AAK1: variants seen among roughly 807,000 people sequenced by gnomAD.
AAK1 encodes the protein AP2-associated protein kinase 1.
A neutral mutation model predicts 116.0 loss-of-function variants in AAK1; 37 were observed. The observed-to-expected ratio is 0.32, with a 90% CI of 0.25 to 0.42. The LOEUF (loss-of-function observed/expected upper bound fraction) is 0.42, where lower values mean the gene tolerates loss of function less well. AAK1 is among the 10% of genes least tolerant of loss of function. The probability of loss-of-function intolerance (pLI) is 1.00; values close to 1 mark genes in which losing one functional copy is unlikely to be tolerated. For synonymous variants in AAK1, 458 were observed against 439.9 expected (o/e 1.04, Z -0.51); for missense variants, 919 against 1,170.6 (o/e 0.79, Z 3.14).
intron 5 of AAK1, among the ~76,000 whole-genome samples, chr2:69,535,795 C>G (rs930645936): frequency 3.9e-5 from 6 of 152,018 alleles, no homozygotes; most frequent in African/African-American, 1.5e-4. Context: ...GCAAAGAAAG[C>G]TGAAAACATG....
chr2:69,542,137 C>A (rs1392366069), intron 5 of AAK1, among the ~76,000 whole-genome samples: 1 of 151,688 alleles, frequency 6.6e-6, no homozygotes, highest in Non-Finnish European at 1.5e-5. Context: ...GCAATTAGGA[C>A]AATTAAAAAA....
At chr2:69,603,262 CA>C (rs1409330115) in intron 2 of AAK1, among the ~76,000 whole-genome samples, 1 of 151,926 alleles carries the variant, frequency 6.6e-6, no homozygotes, top group Non-Finnish European at 1.5e-5. Flanking sequence ...CCAAGTAAGG[CA>C]AAAGTGGGTA....
chr2:69,637,533 A>G (rs1675500083), intron 2 of AAK1, among the ~76,000 whole-genome samples: 1 of 152,234 alleles, frequency 6.6e-6, no homozygotes, highest in Non-Finnish European at 1.5e-5. Context: ...TCCATAAAAT[A>G]GACCGGAGGC....
rs574490585 is a variant in AAK1 at position 69,493,158 on chromosome 2, C to CAAAAAAAAAA, written c.2365+2817_2365+2826dup. On this transcript the variant is annotated intron_variant, in intron 17 of 21. Coordinates refer to ENST00000409085, the MANE Select transcript of AAK1 (RefSeq NM_014911.5). Reference sequence around the variant, plus strand: ...TGGGCGACAGAGCGAGACTCCGTCTCAAAAAAAAAAAAAAAAAAAGGATGC... The same window carrying CAAAAAAAAAA: ...TGGGCGACAGAGCGAGACTCCGTCTCAAAAAAAAAAAAAAAAAAAAAAAAAAAAAGGATGC... Among the ~76,000 whole-genome samples, 368 of 37,536 alleles carry CAAAAAAAAAA rather than the reference C, an allele frequency of 9.8e-3. 54 individuals are homozygous for CAAAAAAAAAA. The highest frequency in any genetic ancestry group is 0.022 in the East Asian group (31 of 1,436). The allele number at this position is 37,536 out of a possible 152,430, so 24.6% of individuals were successfully genotyped here.
intron 2 of AAK1, among the ~76,000 whole-genome samples, chr2:69,602,396 T>C (rs538139190): frequency 6.6e-6 from 1 of 152,218 alleles, no homozygotes; most frequent in Non-Finnish European, 1.5e-5. Context: ...TTTAAGGAAA[T>C]ATACACTAAA....
chr2:69,473,338 C>A lies in AAK1; in HGVS notation c.*2531G>T. On this transcript the variant is annotated 3_prime_UTR_variant, in exon 22 of 22. Coordinates refer to ENST00000409085, the MANE Select transcript of AAK1 (RefSeq NM_014911.5). ...AGCTCAGGCTATGATTCCACAGGTA[C>A]CAGGACACTATGCTCAACTCAAATA... The A allele has an allele frequency of 1.0e-6, 1 of 985,496 alleles. No individual in the cohort carries two copies. The allele number at this position is 985,496 out of a possible 1,614,324, so 61.0% of individuals were successfully genotyped here.
chr2:69,506,382 C>T (rs1676185751), intron 15 of AAK1, among the ~76,000 whole-genome samples: 2 of 152,058 alleles, frequency 1.3e-5, no homozygotes, highest in Non-Finnish European at 2.9e-5. Flanking sequence ...TTTTTTTCAA[C>T]AGACAGGGTC....
chr2:69,505,988 C>T (rs1420148766), intron 15 of AAK1, among the ~76,000 whole-genome samples: 1 of 152,204 alleles, frequency 6.6e-6, no homozygotes, highest in Non-Finnish European at 1.5e-5. Context: ...TAATGCCTCC[C>T]GCCCTCACTT....
At chr2:69,592,032 A>G (rs1304584275) in intron 2 of AAK1, among the ~76,000 whole-genome samples, 1 of 152,216 alleles carries the variant, frequency 6.6e-6, no homozygotes, top group Non-Finnish European at 1.5e-5. Context: ...AGAGAGGTCA[A>G]TAAGAGCAAA....
rs900795627 is a variant in AAK1, at chr2:69,632,823, G to C, written c.163+10055C>G. On this transcript the variant is annotated intron_variant, in intron 2 of 21. Coordinates refer to ENST00000409085, the MANE Select transcript of AAK1 (RefSeq NM_014911.5). Reference sequence around the variant, plus strand: ...CCGAGGCGAGTGGATCACGAGGTCGGGAGATCGAGACCGTCCTGGCTATCA... The same window carrying C: ...CCGAGGCGAGTGGATCACGAGGTCGCGAGATCGAGACCGTCCTGGCTATCA... Among the ~76,000 whole-genome samples, 29 of 151,994 alleles carry C rather than the reference G, an allele frequency of 1.9e-4. 1 individual carries two copies. The highest frequency in any genetic ancestry group is 1.7e-3 in the Admixed American group (26 of 15,272).
At chr2:69,509,198 A>T (rs370022157) in intron 14 of AAK1, 33 bp downstream of exon 14, 3 of 1,596,444 alleles carry the variant, frequency 1.9e-6, no homozygotes, top group Non-Finnish European at 2.6e-6. Flanking sequence ...TTGCCCACAG[A>T]GGTAAGAACA....
At chr2:69,635,762 C>T (rs11692638) in intron 2 of AAK1, among the ~76,000 whole-genome samples, 78,129 of 151,894 alleles carry the variant, frequency 0.51, 22,679 homozygotes, top group African/African-American at 0.76. Flanking sequence ...GTAAGTGGAG[C>T]GCTGGTTGCC....
Position 69,468,675 on chromosome 2 carries a change from T to C in AAK1, c.*7194A>G. ...TTAAACTGAATTCAGTTAAAACAAT[T>C]TGTGCACAGAGACTGGCAAAAAAGC... On this transcript the variant is annotated 3_prime_UTR_variant, in exon 22 of 22. Transcript: ENST00000409085. 2.0e-6 allele frequency: 2 copies of C among 985,374 alleles called. No homozygotes were observed. Among genetic ancestry groups the C allele is most frequent in the Non-Finnish European group, 1.2e-6 (1 of 829,918 alleles). The allele number at this position is 985,374 out of a possible 1,614,324, so 61.0% of individuals were successfully genotyped here.
At chr2:69,525,603 A>G (rs908916963) in intron 9 of AAK1, among the ~76,000 whole-genome samples, 3 of 152,194 alleles carry the variant, frequency 2.0e-5, no homozygotes, top group Non-Finnish European at 4.4e-5. Context: ...ACCTCTGTGT[A>G]TGGCTGCTGA....
intron 2 of AAK1, among the ~76,000 whole-genome samples, chr2:69,638,726 C>T (rs1020730712): frequency 6.6e-6 from 1 of 152,238 alleles, no homozygotes; most frequent in Non-Finnish European, 1.5e-5. Context: ...TAACCCCCAT[C>T]TGGAACATCT....
Position 69,469,762 on chromosome 2 carries a change from T to A in AAK1, c.*6107A>T, listed in dbSNP as rs888337889. 2 of 985,312 alleles carry A rather than the reference T, an allele frequency of 2.0e-6. No homozygotes were observed. Among genetic ancestry groups the A allele is most frequent in the East Asian group, 1.1e-4 (1 of 8,822 alleles). 61.0% of individuals were successfully genotyped at this position (985,312 alleles called of 1,614,324 possible). ...CCTCTTTTTATTTTGGTTTCACACA[T>A]AAAATTAAGCAAGAAGTCAAAACAT... On this transcript the variant is annotated 3_prime_UTR_variant, in exon 22 of 22. Transcript: ENST00000409085.
intron 2 of AAK1, among the ~76,000 whole-genome samples, chr2:69,573,696 A>T (rs569873882): frequency 4.8e-4 from 73 of 152,328 alleles, no homozygotes; most frequent in African/African-American, 1.7e-3. Flanking sequence ...TCCACAAAGT[A>T]TGTACAAAAA....
intron 2 of AAK1, among the ~76,000 whole-genome samples, chr2:69,570,016 T>C (rs1026559657): frequency 6.6e-6 from 1 of 152,122 alleles, no homozygotes. Flanking sequence ...ACTGGATAGG[T>C]ATATGTTTAA....
intron 12 of AAK1, among the ~76,000 whole-genome samples, chr2:69,517,649 T>A (rs1377992298): frequency 6.6e-6 from 1 of 151,468 alleles, no homozygotes; most frequent in African/African-American, 2.4e-5. Context: ...CTCGAGAAAT[T>A]ACCAGTGTAC....
Sources: allele counts gnomAD v4.1 joint callset (sites outside exome capture counted in the v4.1 genomes callset), GRCh38; gene constraint gnomAD v4.1.1; transcripts MANE v1.5; gene names NCBI Gene and HGNC (gene_info 2026-07-23, HGNC 2026-07-21).